The following GNPAT variants were observed in gnomAD, a reference collection of about 807,000 sequenced individuals.
GNPAT encodes the protein dihydroxyacetone phosphate acyltransferase.
Under a neutral mutation model 78.4 loss-of-function variants are expected in GNPAT, and 30 were observed. The observed-to-expected ratio is 0.38, with a 90% CI of 0.29 to 0.52. The LOEUF is 0.52. Ranked by LOEUF, GNPAT falls within the 20% of genes least tolerant of loss-of-function variation. The probability of loss-of-function intolerance (pLI) is 0.84; values close to 1 mark genes in which losing one functional copy is unlikely to be tolerated. For synonymous variants in GNPAT, 271 were observed against 281.1 expected, an observed-to-expected ratio of 0.96 and a Z score of 0.36; for missense variants, 714 against 812.2, an observed-to-expected ratio of 0.88 and a Z score of 1.47.
chr1:231,248,367 G>A (rs532758227), intron 1 of GNPAT, among the ~76,000 whole-genome samples: 7 of 152,060 alleles, frequency 4.6e-5, no homozygotes, highest in East Asian at 1.9e-4. Context: ...ACTTCACATC[G>A]AGTAGGCTGA....
Position 231,265,317 on chromosome 1 carries a change from G to A in GNPAT, c.593G>A (p.Gly198Asp), listed in dbSNP as rs1194924310. ...GMDFLGMKMV[G>D]ELLRMSGAFF... ...GACTTCCTGGGAATGAAAATGGTTG[G>A]TGAGCTGCTACGAATGTCGGGTGCC... The change falls in exon 5 of 16, where the codon GGT becomes GAT. Residue 198 changes from glycine (G) to aspartate (D), a missense_variant. Coordinates refer to ENST00000366647, the MANE Select transcript of GNPAT (RefSeq NM_014236.4). The A allele has an allele frequency of 1.2e-6, 2 of 1,612,354 alleles. No individual in the cohort carries two copies. Among genetic ancestry groups the A allele is most frequent in the East Asian group, 2.2e-5 (1 of 44,870 alleles).
intron 4 of GNPAT, among the ~76,000 whole-genome samples, chr1:231,263,887 A>G (rs1416858004): frequency 6.6e-6 from 1 of 152,094 alleles, no homozygotes; most frequent in Non-Finnish European, 1.5e-5. Flanking sequence ...CCATTTGTAT[A>G]TCTTTGGAGA....
intron 2 of GNPAT, among the ~76,000 whole-genome samples, chr1:231,258,676 G>A (rs1268286908): frequency 8.8e-6 from 1 of 113,056 alleles, no homozygotes; most frequent in African/African-American, 3.5e-5. Flanking sequence ...CTGTCGCCCC[G>A]GCTGGAGGCA....
At position 231,265,275 on chromosome 1, in the gene GNPAT, T is replaced by A; in HGVS notation, c.569-18T>A. 1 of 1,581,270 alleles carries A rather than the reference T, an allele frequency of 6.3e-7. No individual in the cohort carries two copies. The highest frequency in any genetic ancestry group is 8.7e-7 in the Non-Finnish European group (1 of 1,149,960). On this transcript the variant is annotated intron_variant, in intron 4 of 15. Transcript: ENST00000366647. The stretch of plus-strand genomic sequence containing the variant: ...AGATTTCAAGATCTGCAAATAAATA[T>A]TATCCCCTCTTTTTTAGACTTCCTG...
At chr1:231,242,107 GGGTCTTTTT>G (rs781271312) in intron 1 of GNPAT, among the ~76,000 whole-genome samples, 18 of 152,018 alleles carry the variant, frequency 1.2e-4, no homozygotes, top group Admixed American at 3.9e-4. Context: ...TGGTTTTAAC[GGGTCTTTTT>G]GGCTGGCAGA....
At chr1:231,248,670 CACAA>C (rs1684814287) in intron 1 of GNPAT, among the ~76,000 whole-genome samples, 1 of 152,094 alleles carries the variant, frequency 6.6e-6, no homozygotes, top group Non-Finnish European at 1.5e-5. Context: ...TAAACACACA[CACAA>C]ACACACACAG....
rs541076954 is a variant in GNPAT, at chr1:231,257,581, A to G, written c.262-2926A>G. 2.3e-3 allele frequency among the ~76,000 whole-genome samples: 348 copies of G among 152,278 alleles called. 1 individual carries two copies. The highest frequency in any genetic ancestry group is 3.9e-3 in the Non-Finnish European group (264 of 68,032). On this transcript the variant is annotated intron_variant, in intron 2 of 15. Transcript: ENST00000366647. ...TAGATGGTCCTCATTGATCTCTTTCATAAGTTCTTCTGTCTGCCCCATAAG... is the reference window on the plus strand; with the variant it reads ...TAGATGGTCCTCATTGATCTCTTTCGTAAGTTCTTCTGTCTGCCCCATAAG...
chr1:231,244,508 C>G (rs1321099177), intron 1 of GNPAT, among the ~76,000 whole-genome samples: 1 of 152,050 alleles, frequency 6.6e-6, no homozygotes, highest in East Asian at 1.9e-4. Flanking sequence ...GGCAACTGGG[C>G]AGATGATGAT....
At chr1:231,268,692 G>A (rs1685463143) in intron 9 of GNPAT, among the ~76,000 whole-genome samples, 1 of 151,562 alleles carries the variant, frequency 6.6e-6, no homozygotes, top group Non-Finnish European at 1.5e-5. Flanking sequence ...CGGATCACGA[G>A]GTCAGCAGTT....
Position 231,255,091 on chromosome 1 carries a change from T to A in GNPAT, c.261+3948T>A, listed in dbSNP as rs975117879. The stretch of plus-strand genomic sequence containing the variant: ...AAACTATTGTTAGTGCTCTCTCAAC[T>A]TCCTGTGATCAAATCTACCAATTTA... On this transcript the variant is annotated intron_variant, in intron 2 of 15. Transcript: ENST00000366647. Among the ~76,000 whole-genome samples the A allele has an allele frequency of 5.3e-5, 8 of 152,222 alleles. No individual in the cohort carries two copies. The East Asian group carries it at 7.8e-4, about 15-fold the overall frequency.
chr1:231,266,240 T>C, intron 7 of GNPAT, 37 bp from the exon 8 acceptor site: 1 of 1,613,928 alleles, frequency 6.2e-7, no homozygotes, highest in South Asian at 1.1e-5. Context: ...AATTTACTGC[T>C]TTTCGTTTTC....
chr1:231,265,916 T>TA, intron 6 of GNPAT, 98 bp from the exon 7 acceptor site: 1 of 1,080,438 alleles, frequency 9.3e-7, no homozygotes, highest in Non-Finnish European at 1.4e-6. Flanking sequence ...TTTACGGGAT[T>TA]AGTGTATAAT....
chr1:231,269,311 G>A (rs1370243967), intron 9 of GNPAT, among the ~76,000 whole-genome samples: 4 of 152,202 alleles, frequency 2.6e-5, no homozygotes, highest in African/African-American at 7.2e-5. Flanking sequence ...AAGATGGGAG[G>A]CTTGGGCCCC....
Position 231,267,485 on chromosome 1 carries a change from T to G in GNPAT, c.1056-195T>G, listed in dbSNP as rs563511185. On this transcript the variant is annotated intron_variant, in intron 8 of 15. Transcript: ENST00000366647. ...GGACCCCTTCAGTATTTTTACCATC[T>G]CTCAAGAGGATATTCCAGAAATGTA... Among the ~76,000 whole-genome samples the G allele has an allele frequency of 2.0e-5, 3 of 152,320 alleles. No individual in the cohort carries two copies. In the East Asian group the frequency reaches 5.8e-4, roughly 29 times the overall value.
intron 1 of GNPAT, among the ~76,000 whole-genome samples, chr1:231,243,810 A>G (rs576336000): frequency 6.6e-6 from 1 of 152,350 alleles, no homozygotes; most frequent in East Asian, 1.9e-4. Context: ...TGTCGTGTTT[A>G]CATATCCTTA....
rs74146808 is a variant in GNPAT at position 231,277,809 on chromosome 1, C to A, written c.*267C>A. On this transcript the variant is annotated 3_prime_UTR_variant, in exon 16 of 16. Coordinates refer to ENST00000366647, the MANE Select transcript of GNPAT (RefSeq NM_014236.4). ...ACATGTTTGGAAAAGCAAAGCTCAG[C>A]TCATTTCACTAACACTTTTCAGCTT... The A allele has an allele frequency of 1.8e-4, 77 of 421,336 alleles. 1 individual carries two copies. The highest frequency in any genetic ancestry group is 1.3e-3 in the African/African-American group (67 of 50,304). 26.1% of individuals were successfully genotyped at this position (421,336 alleles called of 1,614,324 possible). A position where few individuals can be genotyped will look rare whatever the true frequency, so the allele number is the denominator to read the frequency against.
intron 1 of GNPAT, among the ~76,000 whole-genome samples, chr1:231,250,727 G>T (rs1279396144): frequency 6.6e-6 from 1 of 152,130 alleles, no homozygotes; most frequent in African/African-American, 2.4e-5. Flanking sequence ...TACTGACAAT[G>T]ATAGCAATCA....
chr1:231,261,755 G>A (rs1247327397), intron 3 of GNPAT, among the ~76,000 whole-genome samples: 1 of 152,126 alleles, frequency 6.6e-6, no homozygotes, highest in Non-Finnish European at 1.5e-5. Context: ...TTCATAAAGA[G>A]CTTTCCTTAT....
rs1005164206 is a variant in GNPAT, at chr1:231,275,201, A to G, written c.1744-20A>G. The stretch of plus-strand genomic sequence containing the variant: ...TCCTTTTTCTCTTTCTGTTCCCCTC[A>G]TCCTTCCTCTTAAAATCAGATAATT... On this transcript the variant is annotated intron_variant, in intron 12 of 15. Coordinates refer to ENST00000366647, the MANE Select transcript of GNPAT (RefSeq NM_014236.4). 3.5e-6 allele frequency: 5 copies of G among 1,415,988 alleles called. No individual in the cohort carries two copies. The highest frequency in any genetic ancestry group is 4.0e-6 in the Non-Finnish European group (4 of 999,264). 87.7% of individuals were successfully genotyped at this position (1,415,988 alleles called of 1,614,324 possible). A position where few individuals can be genotyped will look rare whatever the true frequency, so the allele number is the denominator to read the frequency against.
Sources: allele counts gnomAD v4.1 joint callset (sites outside exome capture counted in the v4.1 genomes callset), GRCh38; gene constraint gnomAD v4.1.1; transcripts MANE v1.5; gene names NCBI Gene and HGNC (gene_info 2026-07-23, HGNC 2026-07-21).